Variants in MMP16 observed in about 807,000 individuals in gnomAD.
MMP16 encodes matrix metalloproteinase-16.
In MMP16, 12 loss-of-function variants were observed where a neutral mutation model predicts 67.8. That is an observed-to-expected ratio of 0.18 (90% CI 0.11 to 0.29). The LOEUF (loss-of-function observed/expected upper bound fraction) is 0.29, where lower values mean the gene tolerates loss of function less well. Ranked by LOEUF, MMP16 falls within the 10% of genes least tolerant of loss-of-function variation. MMP16 has a pLI of 1.00. For missense variants in MMP16, 475 were observed against 765.7 expected (o/e 0.62, Z 4.48); for synonymous variants, 249 against 255.9 (o/e 0.97, Z 0.26).
At chr8:88,228,093 A>T (rs990944070) in intron 1 of MMP16, among the ~76,000 whole-genome samples, 2 of 152,084 alleles carry the variant, frequency 1.3e-5, no homozygotes, top group African/African-American at 4.8e-5. Flanking sequence ...TTTCCCCTGT[A>T]AACTTAGCAG....
chr8:88,061,172 C>T (rs999256379), intron 7 of MMP16, among the ~76,000 whole-genome samples: 2 of 143,358 alleles, frequency 1.4e-5, no homozygotes, highest in South Asian at 2.2e-4. Flanking sequence ...ACACACACAC[C>T]CCTCATCCTA....
At position 88,116,737 on chromosome 8, in the gene MMP16, C is replaced by T. The variant is rs1344043481; in HGVS notation, c.872-19G>A. ...GGTGGACCTTTTGAAAATATGAGGA[C>T]AGTGCTTGGCTCACTTAAAACTGGA... On this transcript the variant is annotated intron_variant, in intron 5 of 9. Transcript: ENST00000286614. 1.2e-6 allele frequency: 2 copies of T among 1,602,754 alleles called. No individual in the cohort carries two copies. Among genetic ancestry groups the T allele is most frequent in the African/African-American group, 2.7e-5 (2 of 74,552 alleles).
At chr8:88,218,339 G>A (rs902167717) in intron 1 of MMP16, among the ~76,000 whole-genome samples, 1 of 151,880 alleles carries the variant, frequency 6.6e-6, no homozygotes, top group Non-Finnish European at 1.5e-5. Context: ...CAGAATGTAG[G>A]GGAAATTGAA....
chr8:88,315,648 C>G (rs1811365442), intron 1 of MMP16, among the ~76,000 whole-genome samples: 1 of 152,148 alleles, frequency 6.6e-6, no homozygotes, highest in Admixed American at 6.5e-5. Context: ...GCCATTCCCC[C>G]ATCTCTTTCC....
intron 7 of MMP16, among the ~76,000 whole-genome samples, chr8:88,064,327 C>T (rs1422686853): frequency 1.3e-5 from 2 of 151,996 alleles, no homozygotes; most frequent in African/African-American, 4.8e-5. Context: ...TTACTGTTCA[C>T]CATTTATATA....
At chr8:88,298,063 T>G (rs910639637) in intron 1 of MMP16, among the ~76,000 whole-genome samples, 5 of 152,138 alleles carry the variant, frequency 3.3e-5, no homozygotes, top group African/African-American at 1.2e-4. Flanking sequence ...GAAAAAATGA[T>G]GGCTAAATAA....
intron 3 of MMP16, among the ~76,000 whole-genome samples, chr8:88,175,903 T>C (rs1441529774): frequency 6.6e-6 from 1 of 152,212 alleles, no homozygotes; most frequent in African/African-American, 2.4e-5. Context: ...ACAAGCTCTC[T>C]TGCCTGCTGC....
chr8:88,127,189 A>C (rs1469050381), intron 4 of MMP16, among the ~76,000 whole-genome samples: 2 of 151,866 alleles, frequency 1.3e-5, no homozygotes, highest in Non-Finnish European at 2.9e-5. Context: ...TACTGGGCTC[A>C]AGTTTTGGAG....
intron 2 of MMP16, among the ~76,000 whole-genome samples, chr8:88,189,843 C>A (rs1255340708): frequency 2.6e-5 from 4 of 152,098 alleles, no homozygotes; most frequent in African/African-American, 4.8e-5. Flanking sequence ...TAATGTGTAT[C>A]CTGATTTGTA....
chr8:88,043,666 C>T (rs1174436737), intron 9 of MMP16, among the ~76,000 whole-genome samples: 14 of 152,136 alleles, frequency 9.2e-5, no homozygotes, highest in Admixed American at 7.2e-4. Context: ...TTCTGGAAAT[C>T]GTTCTGTTCA....
intron 1 of MMP16, among the ~76,000 whole-genome samples, chr8:88,274,897 A>G (rs1290038341): frequency 6.6e-6 from 1 of 152,030 alleles, no homozygotes; most frequent in Non-Finnish European, 1.5e-5. Flanking sequence ...CCGATGTATC[A>G]CCAAAGTTTT....
chr8:88,126,373 C>T (rs1050597259), intron 4 of MMP16, among the ~76,000 whole-genome samples: 10 of 151,920 alleles, frequency 6.6e-5, no homozygotes, highest in Admixed American at 5.9e-4. Context: ...AACATGAATG[C>T]ATTAGCAAAG....
intron 1 of MMP16, among the ~76,000 whole-genome samples, chr8:88,225,631 T>C (rs1455982826): frequency 6.6e-6 from 1 of 151,900 alleles, no homozygotes; most frequent in African/African-American, 2.4e-5. Context: ...CTTTGAATAT[T>C]CATTGACCCA....
intron 1 of MMP16, among the ~76,000 whole-genome samples, chr8:88,213,744 T>A (rs1266629857): frequency 1.3e-5 from 2 of 152,164 alleles, no homozygotes; most frequent in Admixed American, 1.3e-4. Flanking sequence ...ATGTCATAAT[T>A]ACATACCAAA....
intron 6 of MMP16, among the ~76,000 whole-genome samples, chr8:88,109,190 T>G (rs1809292537): frequency 6.6e-6 from 1 of 151,396 alleles, no homozygotes; most frequent in Non-Finnish European, 1.5e-5. Context: ...CAAAAATATT[T>G]TCATTTATAT....
At chr8:88,238,452 G>A (rs1048710180) in intron 1 of MMP16, among the ~76,000 whole-genome samples, 2 of 152,044 alleles carry the variant, frequency 1.3e-5, no homozygotes, top group Admixed American at 1.3e-4. Flanking sequence ...GAGGTCAGGA[G>A]TTTGAGACCA....
chr8:88,323,424 T>C (rs546858714), intron 1 of MMP16, among the ~76,000 whole-genome samples: 92 of 152,272 alleles, frequency 6.0e-4, no homozygotes, highest in African/African-American at 2.0e-3. Context: ...GAAATAGTTA[T>C]ACTCAATTCA....
chr8:88,253,135 T>C (rs16880333), intron 1 of MMP16, among the ~76,000 whole-genome samples: 19,379 of 152,106 alleles, frequency 0.13, 2,678 homozygotes, highest in African/African-American at 0.35. Context: ...GAAACACAAC[T>C]AGAATGCATT....
At chr8:88,084,492 A>T (rs911617946) in intron 6 of MMP16, among the ~76,000 whole-genome samples, 1 of 152,010 alleles carries the variant, frequency 6.6e-6, no homozygotes, top group African/African-American at 2.4e-5. Flanking sequence ...GAGGCTGGAA[A>T]AAAAAGAGCC....
Sources: gnomAD v4.1 joint callset for allele counts (sites outside exome capture counted in the v4.1 genomes callset) on GRCh38, gnomAD v4.1.1 for gene constraint, MANE v1.5 for transcripts, NCBI Gene and HGNC (gene_info 2026-07-23, HGNC 2026-07-21) for gene names.